Variants in KLF12 observed in about 807,000 individuals in gnomAD.
KLF12 encodes Krueppel-like factor 12.
KLF12 carries 9 observed loss-of-function variants against 37.8 expected under a neutral mutation model. That is an observed-to-expected ratio of 0.24 (90% CI 0.14 to 0.42). The LOEUF is 0.42. Among genes scored for constraint, KLF12 ranks in the 10% least tolerant of loss-of-function variants. The pLI is 1.00. For synonymous variants in KLF12, 208 were observed against 202.1 expected (o/e 1.03, Z -0.25); for missense variants, 411 against 516.0 (o/e 0.80, Z 1.97).
intron 2 of KLF12, among the ~76,000 whole-genome samples, chr13:73,954,071 C>G (rs189485231): frequency 6.7e-6 from 1 of 148,350 alleles, no homozygotes; most frequent in Non-Finnish European, 1.5e-5. Context: ...CTCCACCTCC[C>G]GGGTTCACAC....
the KLF12 span, among the ~76,000 whole-genome samples, chr13:74,294,951 T>A: frequency 2.0e-3 from 304 of 152,296 alleles, no homozygotes; most frequent in African/African-American, 7.1e-3. Context: ...CTTTCCTGAT[T>A]AAAGGCCCCT....
At chr13:74,010,649 T>C (rs1252448951) in intron 1 of KLF12, among the ~76,000 whole-genome samples, 1 of 152,200 alleles carries the variant, frequency 6.6e-6, no homozygotes, top group African/African-American at 2.4e-5. Context: ...AGTACTATTT[T>C]GGTTTTTAAA....
rs532567087 is a variant in KLF12, at chr13:73,947,060, T to G, written c.34-2990A>C. ...TCTGGAACTGCTGTCAAACATATCT[T>G]GCCATGATCTTAATCAAAACACATT... On this transcript the variant is annotated intron_variant, in intron 2 of 7. Coordinates refer to ENST00000377669, the MANE Select transcript of KLF12 (RefSeq NM_007249.5). Among the ~76,000 whole-genome samples, 32 of 152,332 alleles carry G rather than the reference T, an allele frequency of 2.1e-4. 1 individual carries two copies. The East Asian group carries it at 4.4e-3, about 21-fold the overall frequency.
intron 1 of KLF12, among the ~76,000 whole-genome samples, chr13:74,016,723 T>C (rs1850717395): frequency 6.6e-6 from 1 of 152,196 alleles, no homozygotes; most frequent in Non-Finnish European, 1.5e-5. Context: ...TGTTTGGCAG[T>C]GTCTACTAAA....
intron 3 of KLF12, among the ~76,000 whole-genome samples, chr13:73,880,620 G>A (rs1231844003): frequency 6.6e-6 from 1 of 152,056 alleles, no homozygotes; most frequent in Admixed American, 6.5e-5. Context: ...TCTAGGAGCT[G>A]GAAAGCAAAA....
the KLF12 span, among the ~76,000 whole-genome samples, chr13:74,279,254 C>T: frequency 6.6e-6 from 1 of 152,112 alleles, no homozygotes; most frequent in African/African-American, 2.4e-5. Context: ...TTAGTTGATG[C>T]TAGACAGCTC....
At chr13:74,280,826 T>C in the KLF12 span, among the ~76,000 whole-genome samples, 1 of 8,764 alleles carries the variant, frequency 1.1e-4, no homozygotes, top group Non-Finnish European at 2.6e-4. Flanking sequence ...TTCTTTTTTC[T>C]TTTTTTTTTT....
At chr13:73,904,764 T>C (rs980305749) in intron 3 of KLF12, among the ~76,000 whole-genome samples, 2 of 152,296 alleles carry the variant, frequency 1.3e-5, no homozygotes, top group Non-Finnish European at 2.9e-5. Flanking sequence ...AGGAAAGTGA[T>C]GGAGGCAGAC....
At chr13:73,784,327 T>C (rs1379202055) in intron 5 of KLF12, among the ~76,000 whole-genome samples, 1 of 152,146 alleles carries the variant, frequency 6.6e-6, no homozygotes, top group Admixed American at 6.6e-5. Flanking sequence ...AACCCTTAAC[T>C]CCTTAACATG....
intron 1 of KLF12, among the ~76,000 whole-genome samples, chr13:74,084,611 TCTA>T (rs1450809408): frequency 6.6e-6 from 1 of 152,218 alleles, no homozygotes; most frequent in Non-Finnish European, 1.5e-5. Flanking sequence ...TGAAGTCTAA[TCTA>T]CTGCTCCATT....
intron 3 of KLF12, among the ~76,000 whole-genome samples, chr13:73,905,487 T>C (rs1888239233): frequency 6.6e-6 from 1 of 151,894 alleles, no homozygotes; most frequent in Admixed American, 6.6e-5. Flanking sequence ...AGTCCAAGAA[T>C]CTCCATGAAC....
At chr13:73,978,055 A>C (rs1349918653) in intron 2 of KLF12, among the ~76,000 whole-genome samples, 1 of 152,240 alleles carries the variant, frequency 6.6e-6, no homozygotes, top group Non-Finnish European at 1.5e-5. Context: ...GATGATCCTC[A>C]GTTCAAAGAT....
chr13:74,123,179 CTG>C (rs1189798550), intron 1 of KLF12, among the ~76,000 whole-genome samples: 1 of 151,962 alleles, frequency 6.6e-6, no homozygotes, highest in Non-Finnish European at 1.5e-5. Flanking sequence ...AAATACCTAT[CTG>C]TGTGTTGGTT....
chr13:73,826,068 G>T (rs561751016), intron 4 of KLF12, among the ~76,000 whole-genome samples: 2 of 152,172 alleles, frequency 1.3e-5, no homozygotes, highest in Non-Finnish European at 2.9e-5. Context: ...CGCCTCCTGG[G>T]TTCACGCTAT....
intron 2 of KLF12, among the ~76,000 whole-genome samples, chr13:73,972,704 C>T (rs1028401899): frequency 6.7e-6 from 1 of 150,070 alleles, no homozygotes; most frequent in African/African-American, 2.5e-5. Flanking sequence ...TGACAGACTC[C>T]TGGCTGAAAT....
chr13:74,263,338 C>T, the KLF12 span, among the ~76,000 whole-genome samples: 2 of 152,214 alleles, frequency 1.3e-5, no homozygotes, highest in Admixed American at 6.5e-5. Flanking sequence ...ATTTTATTCA[C>T]ATTTAAGTTG....
At position 74,093,119 on chromosome 13, in the gene KLF12, A is replaced by G. The variant is rs145517168; in HGVS notation, c.-32+40620T>C. On this transcript the variant is annotated intron_variant, in intron 1 of 7. Coordinates refer to ENST00000377669, the MANE Select transcript of KLF12 (RefSeq NM_007249.5). Reference sequence around the variant, plus strand: ...ATCCTGGAGACCTACCTACATCTGAACTTTCTATCATTAGACAACCAAAGT... The same window carrying G: ...ATCCTGGAGACCTACCTACATCTGAGCTTTCTATCATTAGACAACCAAAGT... Among the ~76,000 whole-genome samples the G allele has an allele frequency of 2.6e-5, 4 of 152,330 alleles. No individual in the cohort carries two copies. The East Asian group carries it at 7.7e-4, about 29-fold the overall frequency.
chr13:74,137,912 C>T (rs919586994), upstream of KLF12, among the ~76,000 whole-genome samples: 2 of 152,226 alleles, frequency 1.3e-5, no homozygotes, highest in African/African-American at 2.4e-5. Flanking sequence ...GGGCATGCGC[C>T]ACCACGCCTG....
At chr13:74,304,578 G>A in the KLF12 span, among the ~76,000 whole-genome samples, 1 of 152,012 alleles carries the variant, frequency 6.6e-6, no homozygotes, top group Non-Finnish European at 1.5e-5. Flanking sequence ...AAGCTATTTG[G>A]CATTGCAGTT....
Sources: gnomAD v4.1 joint callset for allele counts (sites outside exome capture counted in the v4.1 genomes callset) on GRCh38, gnomAD v4.1.1 for gene constraint, MANE v1.5 for transcripts, NCBI Gene and HGNC (gene_info 2026-07-23, HGNC 2026-07-21) for gene names.